Variants in FKBP5 observed in about 807,000 individuals in gnomAD.
FKBP5 encodes FKBP prolyl isomerase 5, also known as peptidyl-prolyl cis-trans isomerase FKBP5.
A neutral mutation model predicts 50.5 loss-of-function variants in FKBP5; 23 were observed. The observed-to-expected ratio is 0.46, with a 90% CI of 0.33 to 0.65. The LOEUF (loss-of-function observed/expected upper bound fraction) is 0.65. FKBP5 is among the 30% of genes least tolerant of loss of function. FKBP5 has a pLI of 0.02. For synonymous variants in FKBP5, 176 were observed against 190.6 expected (o/e 0.92, Z 0.63); for missense variants, 411 against 553.1 (o/e 0.74, Z 2.58).
intron 6 of FKBP5, among the ~76,000 whole-genome samples, chr6:35,595,538 T>A (rs1762960065): frequency 6.6e-6 from 1 of 151,768 alleles, no homozygotes; most frequent in Non-Finnish European, 1.5e-5. Flanking sequence ...ATCACTTGAG[T>A]CCAGGAGTTG....
intron 5 of FKBP5, among the ~76,000 whole-genome samples, chr6:35,615,160 A>ACG (rs1763611486): frequency 7.4e-6 from 1 of 135,226 alleles, no homozygotes. Context: ...ACAACTACAC[A>ACG]CACACACACA....
At chr6:35,609,048 A>G (rs935368624) in intron 5 of FKBP5, among the ~76,000 whole-genome samples, 2 of 152,134 alleles carry the variant, frequency 1.3e-5, no homozygotes, top group Non-Finnish European at 2.9e-5. Context: ...CGCCCTCCCA[A>G]AGTGTAGGGA....
upstream of FKBP5, among the ~76,000 whole-genome samples, chr6:35,693,249 G>A (rs1361216307): frequency 1.4e-4 from 19 of 139,482 alleles, no homozygotes; most frequent in Admixed American, 1.2e-3. Context: ...TGCAAGCTCC[G>A]CCTTCCAGGT....
Position 35,620,261 on chromosome 6 carries a change from C to T in FKBP5, c.264G>A (p.Lys88=), listed in dbSNP as rs144600779. ...VFSLGKGQVI[K]AWDIGVATMK... ...TGGTAGCCACCCCAATGTCCCATGCCTTGATGACTTGGCCTAAGGGAAAGG... is the reference window on the plus strand; with the variant it reads ...TGGTAGCCACCCCAATGTCCCATGCTTTGATGACTTGGCCTAAGGGAAAGG... The change falls in exon 4 of 11, where the codon AAG becomes AAA. Residue 88 remains lysine, a synonymous_variant. Coordinates refer to ENST00000357266, the MANE Select transcript of FKBP5 (RefSeq NM_004117.4). 205 of 1,613,952 alleles carry T rather than the reference C, an allele frequency of 1.3e-4. No homozygotes were observed. Among genetic ancestry groups the T allele is most frequent in the Non-Finnish European group, 1.6e-4 (191 of 1,179,992 alleles).
chr6:35,683,274 T>C (rs1477105685), intron 1 of FKBP5, among the ~76,000 whole-genome samples: 4 of 151,126 alleles, frequency 2.6e-5, no homozygotes, highest in Non-Finnish European at 5.9e-5. Flanking sequence ...TGCTTCACCC[T>C]TCCAAAGTGC....
At chr6:35,599,243 G>T (rs1460833385) in intron 5 of FKBP5, among the ~76,000 whole-genome samples, 1 of 152,046 alleles carries the variant, frequency 6.6e-6, no homozygotes, top group Non-Finnish European at 1.5e-5. Context: ...TGAACTACAT[G>T]ATCTCAATGA....
At chr6:35,661,770 CAAAAAA>C (rs767195179) in intron 1 of FKBP5, among the ~76,000 whole-genome samples, 1 of 33,292 alleles carries the variant, frequency 3.0e-5, no homozygotes. Context: ...AACTCCGTCT[CAAAAAA>C]AAAAAAAAAA....
At chr6:35,623,214 C>G (rs919330310) in intron 3 of FKBP5, among the ~76,000 whole-genome samples, 1 of 152,214 alleles carries the variant, frequency 6.6e-6, no homozygotes, top group African/African-American at 2.4e-5. Context: ...TGCACTCCAG[C>G]CTGGGCGAAA....
chr6:35,584,924 A>G, intron 8 of FKBP5: 1 of 985,432 alleles, frequency 1.0e-6, no homozygotes. Context: ...AAGTTAAGTA[A>G]CTGTACAGAC....
At chr6:35,612,785 T>A (rs973795288) in intron 5 of FKBP5, among the ~76,000 whole-genome samples, 5 of 152,150 alleles carry the variant, frequency 3.3e-5, no homozygotes, top group Non-Finnish European at 5.9e-5. Context: ...GAGAACAGCA[T>A]GGGAGAAAAT....
chr6:35,657,911 A>C (rs1332574975), intron 1 of FKBP5, among the ~76,000 whole-genome samples: 1 of 152,194 alleles, frequency 6.6e-6, no homozygotes, highest in Non-Finnish European at 1.5e-5. Context: ...AACATAAAGT[A>C]AAACATCTGG....
At chr6:35,640,461 G>C (rs1225872018) in intron 2 of FKBP5, among the ~76,000 whole-genome samples, 1 of 152,148 alleles carries the variant, frequency 6.6e-6, no homozygotes, top group Non-Finnish European at 1.5e-5. Flanking sequence ...AAGTTGTTCT[G>C]GATGAGTCAG....
chr6:35,639,832 G>A (rs1273905975), intron 2 of FKBP5, among the ~76,000 whole-genome samples: 3 of 152,180 alleles, frequency 2.0e-5, no homozygotes, highest in Non-Finnish European at 4.4e-5. Context: ...GCTGGCACAA[G>A]AGATATTAAA....
At chr6:35,637,890 C>T (rs1764362687) in intron 2 of FKBP5, among the ~76,000 whole-genome samples, 1 of 152,144 alleles carries the variant, frequency 6.6e-6, no homozygotes, top group South Asian at 2.1e-4. Context: ...TTTTATTTCC[C>T]TCCTTTGCTA....
chr6:35,614,749 T>C lies in FKBP5; in HGVS notation c.508+4347A>G, dbSNP rs374768990. On this transcript the variant is annotated intron_variant, in intron 5 of 10. Coordinates refer to ENST00000357266, the MANE Select transcript of FKBP5 (RefSeq NM_004117.4). Reference sequence around the variant, plus strand: ...CACTTCTGGAGAATGGAGTTTCAAATGAGCAAAGGGCAAATAAACTTGTGG... The same window carrying C: ...CACTTCTGGAGAATGGAGTTTCAAACGAGCAAAGGGCAAATAAACTTGTGG... Among the ~76,000 whole-genome samples the C allele has an allele frequency of 3.3e-5, 5 of 152,240 alleles. No homozygotes were observed. The South Asian group carries it at 1.0e-3, about 32-fold the overall frequency.
chr6:35,658,143 G>A (rs868225293), intron 1 of FKBP5, among the ~76,000 whole-genome samples: 3 of 151,884 alleles, frequency 2.0e-5, no homozygotes, highest in African/African-American at 4.8e-5. Flanking sequence ...TTGGGAGGCC[G>A]AGGTGGGTGG....
chr6:35,654,028 T>C (rs1764883723), intron 1 of FKBP5, among the ~76,000 whole-genome samples: 1 of 152,226 alleles, frequency 6.6e-6, no homozygotes, highest in African/African-American at 2.4e-5. Flanking sequence ...ATTTCATGTT[T>C]ACATCTGGGT....
intron 3 of FKBP5, among the ~76,000 whole-genome samples, chr6:35,627,745 C>G (rs1483330964): frequency 6.6e-6 from 1 of 151,850 alleles, no homozygotes; most frequent in East Asian, 1.9e-4. Context: ...AGCCTTTCCT[C>G]CATATTCTTT....
At chr6:35,631,370 G>A (rs1273828162) in intron 3 of FKBP5, among the ~76,000 whole-genome samples, 1 of 152,092 alleles carries the variant, frequency 6.6e-6, no homozygotes, top group Non-Finnish European at 1.5e-5. Context: ...TCTACAAAAG[G>A]CAAAATTATA....
Sources: allele counts gnomAD v4.1 joint callset (sites outside exome capture counted in the v4.1 genomes callset), GRCh38; gene constraint gnomAD v4.1.1; transcripts MANE v1.5; gene names NCBI Gene and HGNC (gene_info 2026-07-23, HGNC 2026-07-21).